DLG2: variants seen among roughly 807,000 people sequenced by gnomAD.
The protein encoded by DLG2 is discs large MAGUK scaffold protein 2.
Under a neutral mutation model 132.5 loss-of-function variants are expected in DLG2, and 45 were observed. The observed-to-expected ratio is 0.34, with a 90% CI of 0.27 to 0.44. The LOEUF (loss-of-function observed/expected upper bound fraction) is 0.44, where lower values mean the gene tolerates loss of function less well. DLG2 is among the 20% of genes least tolerant of loss of function. The pLI is 1.00. For missense variants in DLG2, 1,045 were observed against 1,196.9 expected (o/e 0.87, Z 1.87); for synonymous variants, 424 against 419.6 (o/e 1.01, Z -0.13).
intron 11 of DLG2, among the ~76,000 whole-genome samples, chr11:84,028,790 T>C (rs1035435467): frequency 1.3e-5 from 2 of 152,106 alleles, no homozygotes; most frequent in African/African-American, 4.8e-5. Flanking sequence ...TTCTCCCAGG[T>C]AGCAATAACC....
chr11:84,201,587 T>A (rs2096594121), intron 8 of DLG2, among the ~76,000 whole-genome samples: 1 of 151,552 alleles, frequency 6.6e-6, no homozygotes, highest in Non-Finnish European at 1.5e-5. Context: ...GGGCTTTTTT[T>A]TTTTTTTTAT....
intron 4 of DLG2, among the ~76,000 whole-genome samples, chr11:85,189,441 G>A (rs571430687): frequency 3.9e-5 from 6 of 152,108 alleles, no homozygotes; most frequent in Admixed American, 6.5e-5. Context: ...TGATACACAC[G>A]ACAACTTGAA....
intron 6 of DLG2, among the ~76,000 whole-genome samples, chr11:84,742,600 C>T (rs78093303): frequency 9.2e-4 from 140 of 152,256 alleles, no homozygotes; most frequent in African/African-American, 3.3e-3. Flanking sequence ...TATTAACATC[C>T]TCACCAGAAT....
chr11:84,782,438 CCACACACACA>C (rs10599798), intron 6 of DLG2, among the ~76,000 whole-genome samples: 4 of 147,946 alleles, frequency 2.7e-5, no homozygotes, highest in African/African-American at 7.5e-5. Context: ...ACTACCCCTA[CCACACACACA>C]CACACACACA....
chr11:85,418,971 A>G (rs1043759529), intron 3 of DLG2, among the ~76,000 whole-genome samples: 2 of 152,164 alleles, frequency 1.3e-5, no homozygotes, highest in Non-Finnish European at 2.9e-5. Context: ...TGATCCTGTC[A>G]TTATGATGCT....
In DLG2 at chr11:84,286,742, G is replaced by C. The variant is rs74342139; in HGVS notation, c.520-35451C>G. Among the ~76,000 whole-genome samples the C allele has an allele frequency of 2.6e-3, 396 of 152,290 alleles. 1 individual carries two copies. The highest frequency in any genetic ancestry group is 9.0e-3 in the African/African-American group (376 of 41,556). On this transcript the variant is annotated intron_variant, in intron 7 of 27. Transcript: ENST00000376104. ...CAACAAGTGTCTGAGTGAGGACAGG[G>C]AATGCTGTTGAGAGGTAAATTTGAC... is the stretch of plus-strand genomic sequence containing the variant.
At chr11:85,466,052 G>A (rs1251440279) in intron 3 of DLG2, among the ~76,000 whole-genome samples, 1 of 152,142 alleles carries the variant, frequency 6.6e-6, no homozygotes, top group Non-Finnish European at 1.5e-5. Context: ...TTCTCTGATG[G>A]CCAGTGATGA....
chr11:83,559,009 C>T (rs901026275), intron 19 of DLG2, among the ~76,000 whole-genome samples: 1 of 151,974 alleles, frequency 6.6e-6, no homozygotes, highest in Non-Finnish European at 1.5e-5. Context: ...GAACAACATG[C>T]TGCTGAATAA....
Position 85,518,193 on chromosome 11 carries a change from G to A in DLG2, c.40+80464C>T, listed in dbSNP as rs144580025. Among the ~76,000 whole-genome samples the A allele has an allele frequency of 3.1e-4, 47 of 152,308 alleles. No homozygotes were observed. The East Asian group carries it at 7.9e-3, about 26-fold the overall frequency. ...AAATGTGGAAGTGACTTTGGAACTT[G>A]GTAACACGCAAAGTTGGAAAAGTTT... On this transcript the variant is annotated intron_variant, in intron 3 of 27. Coordinates refer to ENST00000376104, the MANE Select transcript of DLG2 (RefSeq NM_001142699.3).
At chr11:85,522,237 G>A (rs2074373016) in intron 3 of DLG2, among the ~76,000 whole-genome samples, 1 of 152,216 alleles carries the variant, frequency 6.6e-6, no homozygotes. Context: ...GAAGCCCCAA[G>A]CCTTGGCAGC....
chr11:84,031,171 C>G (rs1451980735), intron 11 of DLG2, among the ~76,000 whole-genome samples: 1 of 151,136 alleles, frequency 6.6e-6, no homozygotes, highest in African/African-American at 2.4e-5. Context: ...AATTATACCA[C>G]CCATAAAACT....
intron 6 of DLG2, among the ~76,000 whole-genome samples, chr11:84,928,974 GTGTGTGTGTATATATA>G (rs1236041725): frequency 6.6e-5 from 2 of 30,218 alleles, no homozygotes; most frequent in East Asian, 1.2e-3. Context: ...GTGTGTGTGT[GTGTGTGTGTATATATA>G]TATATATATA....
intron 6 of DLG2, among the ~76,000 whole-genome samples, chr11:85,002,166 T>G (rs2058275631): frequency 6.6e-6 from 1 of 152,160 alleles, no homozygotes; most frequent in Admixed American, 6.6e-5. Context: ...GTGTGATTTT[T>G]TTTTCTCAAA....
At chr11:85,371,983 A>G (rs1283241134) in intron 3 of DLG2, among the ~76,000 whole-genome samples, 1 of 152,240 alleles carries the variant, frequency 6.6e-6, no homozygotes, top group African/African-American at 2.4e-5. Flanking sequence ...TGAGAACTGG[A>G]GAGAGAGAAA....
intron 3 of DLG2, among the ~76,000 whole-genome samples, chr11:85,419,466 G>T (rs1318980731): frequency 6.6e-6 from 1 of 152,126 alleles, no homozygotes; most frequent in Non-Finnish European, 1.5e-5. Context: ...TTTGAATGTT[G>T]GCCTACCTTT....
intron 17 of DLG2, among the ~76,000 whole-genome samples, chr11:83,801,935 C>A (rs145859786): frequency 1.3e-5 from 2 of 152,210 alleles, no homozygotes; most frequent in East Asian, 3.9e-4. Flanking sequence ...TATTTGACAA[C>A]CAGTTACTGT....
intron 7 of DLG2, among the ~76,000 whole-genome samples, chr11:84,259,816 C>T (rs2097529353): frequency 6.6e-6 from 1 of 151,742 alleles, no homozygotes; most frequent in Non-Finnish European, 1.5e-5. Flanking sequence ...GTAAGTAACT[C>T]GCCCAAGGTC....
intron 8 of DLG2, among the ~76,000 whole-genome samples, chr11:84,216,004 A>AT (rs2096831282): frequency 6.6e-6 from 1 of 152,206 alleles, no homozygotes; most frequent in African/African-American, 2.4e-5. Context: ...GGCTTAAAAA[A>AT]TAGCCATTAA....
intron 6 of DLG2, among the ~76,000 whole-genome samples, chr11:84,637,756 A>G (rs1476645068): frequency 1.3e-5 from 2 of 152,200 alleles, no homozygotes; most frequent in African/African-American, 4.8e-5. Flanking sequence ...TCTGATGTCT[A>G]TGGCCTGAGA....
Sources: gnomAD v4.1 joint callset for allele counts (sites outside exome capture counted in the v4.1 genomes callset) on GRCh38, gnomAD v4.1.1 for gene constraint, MANE v1.5 for transcripts, NCBI Gene and HGNC (gene_info 2026-07-23, HGNC 2026-07-21) for gene names.